The following SLAIN1 variants were observed in gnomAD, a reference collection of about 807,000 sequenced individuals.
The protein encoded by SLAIN1 is SLAIN motif-containing protein 1.
A neutral mutation model predicts 55.4 loss-of-function variants in SLAIN1; 17 were observed. The ratio of observed to expected loss-of-function variants is 0.31; its 90% CI spans 0.21 to 0.46. The LOEUF is 0.46. SLAIN1 is among the 20% of genes least tolerant of loss of function. The pLI, the probability that SLAIN1 is intolerant of heterozygous loss-of-function variation, is 1.00. For missense variants in SLAIN1, 682 were observed against 785.1 expected (o/e 0.87, Z 1.57); for synonymous variants, 348 against 337.4 (o/e 1.03, Z -0.35).
At chr13:77,743,306 A>G (rs1042994941) in intron 2 of SLAIN1, 8 of 565,466 alleles carry the variant, frequency 1.4e-5, no homozygotes, top group African/African-American at 4.0e-5. Context: ...TTTGGGTACA[A>G]AAGGCCTAGC....
Position 77,698,610 on chromosome 13 carries a change from G to A in SLAIN1, c.626+71G>A. The stretch of plus-strand genomic sequence containing the variant: ...CTTCGGGCACCGGGGAGCGGGGGCG[G>A]GGGGCGGACGGGGGTCCCCTCGCGG... On this transcript the variant is annotated intron_variant, in intron 1 of 6. Transcript: ENST00000418532. The surrounding 1 kb of genome is among the most constrained non-coding windows in gnomAD (Gnocchi z 4.1). 1 of 1,329,614 alleles carries A rather than the reference G, an allele frequency of 7.5e-7. No homozygotes were observed. Among genetic ancestry groups the A allele is most frequent in the Non-Finnish European group, 9.6e-7 (1 of 1,044,758 alleles). The allele number at this position is 1,329,614 out of a possible 1,614,324, so 82.4% of individuals were successfully genotyped here.
intron 2 of SLAIN1, among the ~76,000 whole-genome samples, chr13:77,721,886 C>T (rs1422322476): frequency 6.7e-6 from 1 of 149,518 alleles, no homozygotes; most frequent in Non-Finnish European, 1.5e-5. Flanking sequence ...GGGGTACTCT[C>T]GGCCACAGTT....
At position 77,698,222 on chromosome 13, in the gene SLAIN1, C is replaced by T. The variant is rs1236834051; in HGVS notation, c.309C>T (p.Gly103=). The T allele has an allele frequency of 5.3e-6, 7 of 1,310,584 alleles. No homozygotes were observed. Among genetic ancestry groups the T allele is most frequent in the Admixed American group, 3.3e-5 (1 of 30,462 alleles). The allele number at this position is 1,310,584 out of a possible 1,614,324, so 81.2% of individuals were successfully genotyped here. A position where few individuals can be genotyped will look rare whatever the true frequency, so the allele number is the denominator to read the frequency against. ...SGGLGLGLAL[G]AGGGGGSGSG... ...GCCTGGGGCTCGGGCTGGCGCTGGG[C>T]GCGGGGGGCGGTGGCGGCAGCGGTA... Residue 103 remains glycine, a synonymous_variant, in exon 1 of 7, where the codon GGC becomes GGT. Coordinates refer to ENST00000418532, the MANE Select transcript of SLAIN1 (RefSeq NM_001242868.2). This position sits in a 1 kb window ranked among gnomAD's most constrained non-coding sequence, Gnocchi z 4.1.
intron 6 of SLAIN1, among the ~76,000 whole-genome samples, chr13:77,761,784 G>A (rs553583912): frequency 2.6e-5 from 4 of 151,908 alleles, no homozygotes; most frequent in African/African-American, 9.7e-5. Flanking sequence ...ATTTAGTCTA[G>A]CTCTTGGTCA....
chr13:77,722,355 T>C (rs545429030), intron 2 of SLAIN1, among the ~76,000 whole-genome samples: 6 of 152,278 alleles, frequency 3.9e-5, no homozygotes, highest in South Asian at 2.1e-4. Context: ...AAATTCTTTT[T>C]TAAAAAATTC....
Position 77,764,111 on chromosome 13 carries a change from G to T in SLAIN1, c.*891G>T, listed in dbSNP as rs1421561720. On this transcript the variant is annotated 3_prime_UTR_variant, in exon 7 of 7. Coordinates refer to ENST00000418532, the MANE Select transcript of SLAIN1 (RefSeq NM_001242868.2). The stretch of plus-strand genomic sequence containing the variant: ...TTAAAGCAAATAAATCTTTTTGATA[G>T]ACCTTTTACAAAATCCATTTGCACT... 6.6e-6 allele frequency: 1 copy of T among 152,556 alleles called. No homozygotes were observed. Among genetic ancestry groups the T allele is most frequent in the Non-Finnish European group, 1.5e-5 (1 of 67,992 alleles). 9.5% of individuals were successfully genotyped at this position (152,556 alleles called of 1,614,324 possible).
At chr13:77,743,431 G>A (rs1873590020) in intron 2 of SLAIN1, 1 of 159,504 alleles carries the variant, frequency 6.3e-6, no homozygotes, top group African/African-American at 2.4e-5. Flanking sequence ...ATGCTTATGT[G>A]CTTTTAAAAT....
At chr13:77,726,386 T>A (rs972065474) in intron 2 of SLAIN1, among the ~76,000 whole-genome samples, 7 of 152,210 alleles carry the variant, frequency 4.6e-5, no homozygotes, top group Non-Finnish European at 8.8e-5. Flanking sequence ...ATGTATCTAA[T>A]ACCCCTAATT....
Position 77,698,117 on chromosome 13 carries a change from C to T in SLAIN1, c.204C>T (p.Ala68=), listed in dbSNP as rs1203481112. The change falls in exon 1 of 7, where the codon GCC becomes GCT. Residue 68 remains alanine (A), a synonymous_variant. Transcript: ENST00000418532. This position sits in a 1 kb window ranked among gnomAD's most constrained non-coding sequence, Gnocchi z 4.1. ...TGCTGCTGCCGCCGCCGCCGCCCGC[C>T]GCGCCGCCCCCCGCTGGCCTGCAGC... The part of the protein sequence containing the change: ...HLLLLPPPPP[A]APPPAGLQPL... The T allele has an allele frequency of 3.0e-6, 3 of 997,536 alleles. No individual in the cohort carries two copies. Among genetic ancestry groups the T allele is most frequent in the Non-Finnish European group, 2.3e-6 (2 of 866,878 alleles). The allele number at this position is 997,536 out of a possible 1,614,324, so 61.8% of individuals were successfully genotyped here.
intron 1 of SLAIN1, among the ~76,000 whole-genome samples, chr13:77,714,020 C>T (rs757421183): frequency 1.6e-4 from 24 of 146,338 alleles, no homozygotes; most frequent in Non-Finnish European, 3.0e-4. Flanking sequence ...CAGGGCCTGT[C>T]GAGGGGTGGG....
intron 2 of SLAIN1, among the ~76,000 whole-genome samples, chr13:77,731,060 CAGG>C (rs1872837788): frequency 6.6e-6 from 1 of 151,978 alleles, no homozygotes; most frequent in Non-Finnish European, 1.5e-5. Context: ...CATGTTTTAA[CAGG>C]AGTTCTAGAA....
chr13:77,756,749 CACAG>C (rs544098628), intron 5 of SLAIN1, among the ~76,000 whole-genome samples: 5 of 152,114 alleles, frequency 3.3e-5, no homozygotes, highest in African/African-American at 1.2e-4. Context: ...AGGTGAATCT[CACAG>C]ACAAAGTGTC....
chr13:77,754,072 A>C (rs1740173234), intron 5 of SLAIN1, among the ~76,000 whole-genome samples: 1 of 152,130 alleles, frequency 6.6e-6, no homozygotes, highest in African/African-American at 2.4e-5. Flanking sequence ...TAAGTCTTAC[A>C]CTGACTTCCA....
chr13:77,748,398 CTT>C (rs934265928), intron 4 of SLAIN1, among the ~76,000 whole-genome samples: 348 of 79,536 alleles, frequency 4.4e-3, no homozygotes, highest in African/African-American at 0.013. Flanking sequence ...TTCTCTAAAG[CTT>C]TTTTTTTTTT....
chr13:77,735,983 G>A (rs1210953089), intron 2 of SLAIN1, among the ~76,000 whole-genome samples: 1 of 151,574 alleles, frequency 6.6e-6, no homozygotes, highest in Non-Finnish European at 1.5e-5. Context: ...ACAACAATAT[G>A]ACTCTCACAC....
intron 2 of SLAIN1, among the ~76,000 whole-genome samples, chr13:77,728,737 C>T (rs748970598): frequency 2.6e-5 from 4 of 152,250 alleles, no homozygotes; most frequent in South Asian, 4.2e-4. Flanking sequence ...TTGTTAAAAT[C>T]CACACAGATT....
rs2090999142 is a variant in SLAIN1 at position 77,698,671 on chromosome 13, C to T, written c.626+132C>T. 1 of 1,261,516 alleles carries T rather than the reference C, an allele frequency of 7.9e-7. No homozygotes were observed. The highest frequency in any genetic ancestry group is 1.6e-5 in the African/African-American group (1 of 64,278). The allele number at this position is 1,261,516 out of a possible 1,614,324, so 78.1% of individuals were successfully genotyped here. ...GACTCCCCGCGGCTCCCGGAGGGGC[C>T]GACCCAGCAGGTGTTGAGCCAGGCG... On this transcript the variant is annotated intron_variant, in intron 1 of 6. Coordinates refer to ENST00000418532, the MANE Select transcript of SLAIN1 (RefSeq NM_001242868.2). The surrounding 1 kb of genome is among the most constrained non-coding windows in gnomAD (Gnocchi z 4.1).
At chr13:77,731,593 C>T (rs1277486734) in intron 2 of SLAIN1, among the ~76,000 whole-genome samples, 1 of 152,126 alleles carries the variant, frequency 6.6e-6, no homozygotes, top group Non-Finnish European at 1.5e-5. Flanking sequence ...GATTGACTCT[C>T]AGGCTTGTGA....
chr13:77,698,827 C>T lies in SLAIN1; in HGVS notation c.626+288C>T. ...CTGCTATTTGCTGATTGTTGGGTCC[C>T]AAGCTCCTCGTTAGCATTAAGTGCA... On this transcript the variant is annotated intron_variant, in intron 1 of 6. Transcript: ENST00000418532. The surrounding 1 kb of genome is among the most constrained non-coding windows in gnomAD (Gnocchi z 4.1). 1 of 1,463,876 alleles carries T rather than the reference C, an allele frequency of 6.8e-7. No homozygotes were observed. Among genetic ancestry groups the T allele is most frequent in the Non-Finnish European group, 9.1e-7 (1 of 1,102,160 alleles). 90.7% of individuals were successfully genotyped at this position (1,463,876 alleles called of 1,614,324 possible).
Sources: gnomAD v4.1 joint callset for allele counts (sites outside exome capture counted in the v4.1 genomes callset) on GRCh38, gnomAD v4.1.1 for gene constraint, Gnocchi (gnomAD v3.1) non-coding constraint, MANE v1.5 for transcripts, NCBI Gene and HGNC (gene_info 2026-07-23, HGNC 2026-07-21) for gene names.